CWC15: variants seen among roughly 807,000 people sequenced by gnomAD.
The protein encoded by CWC15 is spliceosome-associated protein CWC15 homolog.
A neutral mutation model predicts 28.4 loss-of-function variants in CWC15; 12 were observed. The observed-to-expected ratio is 0.42, with a 90% CI of 0.27 to 0.69. CWC15 has a LOEUF of 0.69. Ranked by LOEUF, CWC15 falls within the 30% of genes least tolerant of loss-of-function variation. The probability of loss-of-function intolerance (pLI) is 0.23; values close to 1 mark genes in which losing one functional copy is unlikely to be tolerated. For missense variants in CWC15, 192 were observed against 271.5 expected, an observed-to-expected ratio of 0.71 and a Z score of 2.06; for synonymous variants, 92 against 88.4, an observed-to-expected ratio of 1.04 and a Z score of -0.23.
rs587675708 is a variant in CWC15 at position 94,971,872 on chromosome 11, C to T, written c.131+183G>A. 6.8e-4 allele frequency among the ~76,000 whole-genome samples: 104 copies of T among 152,198 alleles called. No homozygotes were observed. In the Middle Eastern group the frequency reaches 0.017, roughly 25 times the overall value. ...TTGTTCTATCTACATATGAAAATTC[C>T]TGGTTAGTAGGAATTTCACATTTTA... On this transcript the variant is annotated intron_variant, in intron 2 of 6. Coordinates refer to ENST00000279839, the MANE Select transcript of CWC15 (RefSeq NM_016403.4).
chr11:94,971,239 A>C, intron 3 of CWC15, 136 bp downstream of exon 3: 1 of 938,850 alleles, frequency 1.1e-6, no homozygotes, highest in Non-Finnish European at 1.7e-6. Flanking sequence ...TATTATCTCT[A>C]ATGACCTAAG....
At chr11:94,973,317 A>G (rs1476251853) in intron 1 of CWC15, 181 bp downstream of exon 1, 1 of 149,332 alleles carries the variant, frequency 6.7e-6, no homozygotes, top group Non-Finnish European at 1.5e-5. Context: ...GTACGCTGCG[A>G]TCTCCTCGGC....
chr11:94,965,118 G>C (rs1442205990), intron 6 of CWC15, among the ~76,000 whole-genome samples: 3 of 152,154 alleles, frequency 2.0e-5, no homozygotes, highest in African/African-American at 7.2e-5. Flanking sequence ...CACTCCAGAG[G>C]GGAAAGCATT....
At chr11:94,970,140 C>A (rs1248444847) in intron 4 of CWC15, 44 bp from the exon 5 acceptor site, 4 of 1,018,556 alleles carry the variant, frequency 3.9e-6, no homozygotes, top group Non-Finnish European at 5.9e-6. Context: ...GGAAAATACA[C>A]ACTACCAAAA....
chr11:94,972,017 C>T (rs587703202), intron 2 of CWC15, 38 bp downstream of exon 2: 14 of 1,579,166 alleles, frequency 8.9e-6, no homozygotes, highest in South Asian at 4.6e-5. Flanking sequence ...CAGATCTGGT[C>T]TTGTTTTGTG....
chr11:94,967,051 C>CTTTTTTT (rs55894842), intron 5 of CWC15, among the ~76,000 whole-genome samples: 1 of 143,000 alleles, frequency 7.0e-6, no homozygotes, highest in Admixed American at 6.9e-5. Flanking sequence ...CTGAGTTTTT[C>CTTTTTTT]TTTTTTTTTT....
intron 5 of CWC15, among the ~76,000 whole-genome samples, chr11:94,968,590 T>C (rs2134101257): frequency 6.6e-6 from 1 of 152,368 alleles, no homozygotes; most frequent in African/African-American, 2.4e-5. Context: ...GGACTGGGAA[T>C]GTTTTTATAA....
chr11:94,970,400 T>C (rs6483382), intron 4 of CWC15: 133,356 of 215,774 alleles, frequency 0.62, 42,224 homozygotes, highest in Middle Eastern at 0.72. Flanking sequence ...AGTTAGATAT[T>C]ACTCATTGGA....
At chr11:94,967,051 C>CTTTT (rs55894842) in intron 5 of CWC15, among the ~76,000 whole-genome samples, 3 of 142,998 alleles carry the variant, frequency 2.1e-5, no homozygotes, top group Non-Finnish European at 3.0e-5. Flanking sequence ...CTGAGTTTTT[C>CTTTT]TTTTTTTTTT....
intron 2 of CWC15, 94 bp downstream of exon 2, chr11:94,971,961 G>T: frequency 9.1e-7 from 1 of 1,102,116 alleles, no homozygotes. Flanking sequence ...AAATAGATAA[G>T]TGACATAACT....
At position 94,963,265 on chromosome 11, in the gene CWC15, G is replaced by GT. The variant is rs1221912750; in HGVS notation, c.*119dup. 2.0e-5 allele frequency: 15 copies of GT among 738,952 alleles called. No individual in the cohort carries two copies. Among genetic ancestry groups the GT allele is most frequent in the Non-Finnish European group, 2.8e-5 (14 of 497,540 alleles). 45.8% of individuals were successfully genotyped at this position (738,952 alleles called of 1,614,324 possible). A position where few individuals can be genotyped will look rare whatever the true frequency, so the allele number is the denominator to read the frequency against. On this transcript the variant is annotated 3_prime_UTR_variant, in exon 7 of 7. Transcript: ENST00000279839. The stretch of plus-strand genomic sequence containing the variant: ...GGTATCACTAAAGAAAAAGATAGGA[G>GT]TTTAAAACTGGGGAAGCCCACACAC...
At chr11:94,968,181 T>G (rs1857671532) in intron 5 of CWC15, among the ~76,000 whole-genome samples, 1 of 152,212 alleles carries the variant, frequency 6.6e-6, no homozygotes, top group African/African-American at 2.4e-5. Context: ...ATGTACTCTG[T>G]GGGTGTTTTT....
chr11:94,971,721 A>C (rs1857724504), intron 2 of CWC15, among the ~76,000 whole-genome samples: 1 of 152,246 alleles, frequency 6.6e-6, no homozygotes. Context: ...ATAAGGCTTT[A>C]CAGTGATTAA....
intron 4 of CWC15, chr11:94,970,519 C>A (rs1266080660): frequency 5.8e-6 from 1 of 172,878 alleles, no homozygotes; most frequent in Admixed American, 5.8e-5. Context: ...CCTTAAAAAC[C>A]TTCTGCTTAG....
rs587689931 is a variant in CWC15 at position 94,970,732 on chromosome 11, A to G, written c.333+245T>C. 7 of 486,662 alleles carry G rather than the reference A, an allele frequency of 1.4e-5. No individual in the cohort carries two copies. In the East Asian group the frequency reaches 2.7e-4, roughly 18 times the overall value. 30.1% of individuals were successfully genotyped at this position (486,662 alleles called of 1,614,324 possible). ...ACAGGACATTATTTTGGGGGAAAGC[A>G]TATCCTTTTATAGATTCCTTCCATA... On this transcript the variant is annotated intron_variant, in intron 4 of 6. Coordinates refer to ENST00000279839, the MANE Select transcript of CWC15 (RefSeq NM_016403.4).
intron 6 of CWC15, among the ~76,000 whole-genome samples, chr11:94,965,789 G>A (rs587672202): frequency 6.6e-6 from 1 of 152,324 alleles, no homozygotes; most frequent in South Asian, 2.1e-4. Context: ...GACCACTCAT[G>A]GAAGGGACAG....
At chr11:94,964,931 C>G (rs1857617064) in intron 6 of CWC15, among the ~76,000 whole-genome samples, 1 of 152,236 alleles carries the variant, frequency 6.6e-6, no homozygotes, top group South Asian at 2.1e-4. Context: ...AAAAGTTTAT[C>G]TGAGCTGATA....
intron 4 of CWC15, chr11:94,970,743 T>C (rs1204777610): frequency 5.9e-6 from 3 of 510,302 alleles, no homozygotes; most frequent in South Asian, 2.2e-5. Context: ...TATCCTTTTA[T>C]AGATTCCTTC....
rs7927854 is a variant in CWC15 at position 94,966,228 on chromosome 11, C to T, written c.560+67G>A. ...CTGTGTGTATACACATACACATATA[C>T]ACACACACACACACACACACACACA... On this transcript the variant is annotated intron_variant, in intron 6 of 6. Transcript: ENST00000279839. 346 of 58,784 alleles carry T rather than the reference C, an allele frequency of 5.9e-3. 1 individual carries two copies. Among genetic ancestry groups the T allele is most frequent in the South Asian group, 0.015 (72 of 4,676 alleles). The allele number at this position is 58,784 out of a possible 1,614,324, so 3.6% of individuals were successfully genotyped here.
Sources: gnomAD v4.1 joint callset for allele counts (sites outside exome capture counted in the v4.1 genomes callset) on GRCh38, gnomAD v4.1.1 for gene constraint, MANE v1.5 for transcripts, NCBI Gene and HGNC (gene_info 2026-07-23, HGNC 2026-07-21) for gene names.